The following DENND1B variants were observed in gnomAD, a reference collection of about 807,000 sequenced individuals.
DENND1B encodes DENN domain containing 1B, also known as DENN domain-containing protein 1B.
Under a neutral mutation model 90.1 loss-of-function variants are expected in DENND1B, and 59 were observed. That is an observed-to-expected ratio of 0.65 (90% CI 0.53 to 0.81). The LOEUF (loss-of-function observed/expected upper bound fraction) is 0.81. DENND1B is among the 40% of genes least tolerant of loss of function. The pLI is 0.00. For missense variants in DENND1B, 862 were observed against 912.6 expected, an observed-to-expected ratio of 0.94 and a Z score of 0.71; for synonymous variants, 337 against 324.6, an observed-to-expected ratio of 1.04 and a Z score of -0.41.
intron 2 of DENND1B, among the ~76,000 whole-genome samples, chr1:197,755,881 C>T (rs962684353): frequency 1.3e-5 from 2 of 152,088 alleles, no homozygotes; most frequent in Admixed American, 6.5e-5. Context: ...AAGACCCATC[C>T]CCAGGATTCA....
chr1:197,529,242 A>ATATATATATATGTG (rs1553277550), intron 20 of DENND1B, among the ~76,000 whole-genome samples: 1 of 10,864 alleles, frequency 9.2e-5, no homozygotes, highest in Admixed American at 1.3e-3. Flanking sequence ...ATATATATAT[A>ATATATATATATGTG]TGTGTGTGTG....
chr1:197,661,438 T>A (rs1486184822), intron 5 of DENND1B, among the ~76,000 whole-genome samples: 5 of 152,056 alleles, frequency 3.3e-5, no homozygotes, highest in Non-Finnish European at 7.4e-5. Flanking sequence ...GAAATTGCTA[T>A]TTCCAGACAA....
intron 9 of DENND1B, among the ~76,000 whole-genome samples, chr1:197,643,113 A>T (rs1365566365): frequency 6.6e-6 from 1 of 151,890 alleles, no homozygotes; most frequent in African/African-American, 2.4e-5. Flanking sequence ...ATTTCCTGGG[A>T]CCCAACCTAG....
At chr1:197,761,508 T>C (rs183268332) in intron 2 of DENND1B, among the ~76,000 whole-genome samples, 14 of 152,326 alleles carry the variant, frequency 9.2e-5, no homozygotes, top group Non-Finnish European at 1.8e-4. Flanking sequence ...ATTTGAACCA[T>C]GTTTCCTGTA....
chr1:197,512,454 AAC>A (rs1168053496), intron 21 of DENND1B, among the ~76,000 whole-genome samples: 6 of 151,720 alleles, frequency 4.0e-5, no homozygotes, highest in African/African-American at 9.7e-5. Context: ...ATTAATTTTT[AAC>A]ACTTTTTATT....
intron 20 of DENND1B, among the ~76,000 whole-genome samples, chr1:197,538,163 G>A (rs868044198): frequency 6.6e-6 from 1 of 151,990 alleles, no homozygotes; most frequent in Non-Finnish European, 1.5e-5. Flanking sequence ...AGGTAACAAA[G>A]ATCTCATATT....
chr1:197,584,087 A>T (rs1354149558), intron 14 of DENND1B, among the ~76,000 whole-genome samples: 1 of 152,238 alleles, frequency 6.6e-6, no homozygotes, highest in Non-Finnish European at 1.5e-5. Flanking sequence ...TGCACCTTGT[A>T]GCAATATTTA....
chr1:197,585,736 A>T (rs1332544248), intron 14 of DENND1B, among the ~76,000 whole-genome samples: 5 of 152,232 alleles, frequency 3.3e-5, no homozygotes, highest in Non-Finnish European at 7.3e-5. Context: ...CAAGGAGAAA[A>T]ATAAGTCTTT....
chr1:197,638,789 T>G (rs1224964761), intron 10 of DENND1B, among the ~76,000 whole-genome samples: 1 of 152,128 alleles, frequency 6.6e-6, no homozygotes, highest in African/African-American at 2.4e-5. Context: ...ATAAAATCAA[T>G]GTTCTTGTTC....
chr1:197,575,875 T>C (rs1673632143), intron 15 of DENND1B, among the ~76,000 whole-genome samples: 3 of 152,138 alleles, frequency 2.0e-5, no homozygotes, highest in Admixed American at 6.5e-5. Context: ...AGGTAGGAAC[T>C]GAACAATGAG....
At chr1:197,628,881 C>T (rs1051110992) in intron 10 of DENND1B, among the ~76,000 whole-genome samples, 2 of 152,176 alleles carry the variant, frequency 1.3e-5, no homozygotes, top group Non-Finnish European at 2.9e-5. Context: ...TGAACAGACA[C>T]TTCTCAAAAG....
intron 11 of DENND1B, among the ~76,000 whole-genome samples, chr1:197,614,894 G>A (rs1039050569): frequency 1.3e-5 from 2 of 150,952 alleles, no homozygotes; most frequent in Non-Finnish European, 3.0e-5. Flanking sequence ...CACACTACCT[G>A]CCATGTGTTT....
chr1:197,695,948 A>T (rs11803914), intron 3 of DENND1B, among the ~76,000 whole-genome samples: 1 of 151,378 alleles, frequency 6.6e-6, no homozygotes, highest in African/African-American at 2.4e-5. Flanking sequence ...ATAATACAAA[A>T]TTTTTTAAAT....
intron 7 of DENND1B, among the ~76,000 whole-genome samples, chr1:197,649,834 A>C (rs1652919304): frequency 6.6e-6 from 1 of 152,184 alleles, no homozygotes; most frequent in Admixed American, 6.5e-5. Context: ...CCAAGAAACC[A>C]AAAGCAAATG....
intron 2 of DENND1B, among the ~76,000 whole-genome samples, chr1:197,742,613 A>G (rs923210457): frequency 6.6e-6 from 1 of 152,192 alleles, no homozygotes; most frequent in Non-Finnish European, 1.5e-5. Flanking sequence ...GCAACAGGAA[A>G]AGCAAGACTG....
chr1:197,685,838 T>C (rs1657180848), intron 3 of DENND1B: 1 of 152,156 alleles, frequency 6.6e-6, no homozygotes, highest in South Asian at 2.1e-4. Flanking sequence ...TTTGCAAACT[T>C]ATACTACCTT....
At chr1:197,753,421 A>G (rs1280128931) in intron 2 of DENND1B, among the ~76,000 whole-genome samples, 1 of 152,104 alleles carries the variant, frequency 6.6e-6, no homozygotes, top group Admixed American at 6.5e-5. Context: ...AAGGTGAAGC[A>G]CAGAGAATAT....
chr1:197,655,888 T>C (rs372861854), intron 6 of DENND1B, among the ~76,000 whole-genome samples: 16 of 152,250 alleles, frequency 1.1e-4, no homozygotes, highest in African/African-American at 3.9e-4. Flanking sequence ...TGGTCTGTAA[T>C]CTATCACAAC....
intron 2 of DENND1B, chr1:197,736,141 G>T: frequency 3.3e-6 from 2 of 609,544 alleles, no homozygotes; most frequent in Admixed American, 2.6e-5. Context: ...ATAAATATTG[G>T]ACTTAAAAAA....
Sources: gnomAD v4.1 joint callset for allele counts (sites outside exome capture counted in the v4.1 genomes callset) on GRCh38, gnomAD v4.1.1 for gene constraint, MANE v1.5 for transcripts, NCBI Gene and HGNC (gene_info 2026-07-23, HGNC 2026-07-21) for gene names.